OGA: variants seen among roughly 807,000 people sequenced by gnomAD.
OGA encodes protein O-GlcNAcase.
A neutral mutation model predicts 102.0 loss-of-function variants in OGA; 21 were observed. The ratio of observed to expected loss-of-function variants is 0.21; its 90% CI spans 0.15 to 0.30. OGA has a LOEUF of 0.30. Ranked by LOEUF, OGA falls within the 10% of genes least tolerant of loss-of-function variation. The probability of loss-of-function intolerance (pLI) is 1.00; values close to 1 mark genes in which losing one functional copy is unlikely to be tolerated. For synonymous variants in OGA, 408 were observed against 378.2 expected (o/e 1.08, Z -0.91); for missense variants, 765 against 1,107.8 (o/e 0.69, Z 4.39).
intron 14 of OGA, chr10:101,787,759 G>GCTCTCT (rs139475608): frequency 2.7e-5 from 10 of 373,752 alleles, no homozygotes; most frequent in African/African-American, 1.4e-4. Context: ...GCGTGCACGC[G>GCTCTCT]CTCTCTCTCT....
intron 3 of OGA, 103 bp from the exon 4 acceptor site, chr10:101,810,417 G>A (rs2065538501): frequency 9.2e-7 from 1 of 1,084,626 alleles, no homozygotes; most frequent in Non-Finnish European, 1.3e-6. Context: ...TTACAAGAAA[G>A]GAAAAGATCC....
intron 10 of OGA, chr10:101,797,552 A>G (rs2065331538): frequency 4.4e-6 from 1 of 226,432 alleles, no homozygotes; most frequent in African/African-American, 2.3e-5. Flanking sequence ...TCCTCTTGCC[A>G]GGCCCTTTAG....
At chr10:101,786,892 C>T (rs1338700044) in intron 15 of OGA, among the ~76,000 whole-genome samples, 2 of 152,200 alleles carry the variant, frequency 1.3e-5, no homozygotes, top group East Asian at 1.9e-4. Flanking sequence ...CTCAGCCTCC[C>T]GAGTAGCTGG....
rs778247719 is a variant in OGA, at chr10:101,813,560, A to G, written c.246T>C (p.Phe82=). 9 of 1,544,988 alleles carry G rather than the reference A, an allele frequency of 5.8e-6. No individual in the cohort carries two copies. In the Middle Eastern group the frequency reaches 5.1e-4, roughly 88 times the overall value. Residue 82 remains phenylalanine (F), a synonymous_variant, in exon 2 of 16, where the codon TTT becomes TTC. Transcript: ENST00000361464. The part of the protein sequence containing the change: ...PWVMEQRKEL[F]RRLQKWELNT... ...TTCATATAATGAAGATTTACCTTCTAAAGAGTTCTTTTCTCTGTTCCATAA... is the reference window on the plus strand; with the variant it reads ...TTCATATAATGAAGATTTACCTTCTGAAGAGTTCTTTTCTCTGTTCCATAA...
intron 6 of OGA, 97 bp from the exon 7 acceptor site, chr10:101,804,116 G>A (rs1330897803): frequency 1.7e-6 from 2 of 1,143,344 alleles, no homozygotes; most frequent in Non-Finnish European, 2.5e-6. Context: ...AGGCAGAGGT[G>A]GGCAGATCAT....
At chr10:101,796,428 A>G (rs559996030) in intron 10 of OGA, among the ~76,000 whole-genome samples, 1 of 151,834 alleles carries the variant, frequency 6.6e-6, no homozygotes, top group Non-Finnish European at 1.5e-5. Context: ...CGCCCAGCTA[A>G]TTTTTGTATT....
intron 3 of OGA, among the ~76,000 whole-genome samples, chr10:101,812,519 G>C (rs2065572032): frequency 2.0e-5 from 3 of 152,190 alleles, no homozygotes; most frequent in African/African-American, 7.2e-5. Context: ...AGCCATACTA[G>C]AGCCTGAAGC....
chr10:101,786,717 A>G, intron 15 of OGA, 130 bp from the exon 16 acceptor site: 1 of 765,624 alleles, frequency 1.3e-6, no homozygotes, highest in East Asian at 3.2e-5. Context: ...CCTACATTTC[A>G]CACAATTAAA....
At chr10:101,801,373 C>T (rs2065389443) in intron 7 of OGA, among the ~76,000 whole-genome samples, 2 of 133,794 alleles carry the variant, frequency 1.5e-5, no homozygotes, top group Non-Finnish European at 3.1e-5. Flanking sequence ...GCCTGAGCAA[C>T]AAGAGCAAGA....
intron 11 of OGA, among the ~76,000 whole-genome samples, chr10:101,793,240 AT>A (rs966865516): frequency 2.0e-5 from 3 of 151,718 alleles, no homozygotes; most frequent in Non-Finnish European, 2.9e-5. Flanking sequence ...TGACAAATCT[AT>A]TTTTTTTTAA....
rs552024944 is a variant in OGA, at chr10:101,798,696, G to C, written c.1809+146C>G. 8.8e-5 allele frequency: 93 copies of C among 1,051,122 alleles called. No homozygotes were observed. The African/African-American group carries it at 1.4e-3, about 16-fold the overall frequency. The allele number at this position is 1,051,122 out of a possible 1,614,324, so 65.1% of individuals were successfully genotyped here. A position where few individuals can be genotyped will look rare whatever the true frequency, so the allele number is the denominator to read the frequency against. ...CCCAAAGTTCTGGGACTACAGGCAT[G>C]AGCCATCATAACCGGCCTAAAGAAC... On this transcript the variant is annotated intron_variant, in intron 9 of 15. Coordinates refer to ENST00000361464, the MANE Select transcript of OGA (RefSeq NM_012215.5).
intron 10 of OGA, chr10:101,795,979 G>C: frequency 2.4e-5 from 19 of 800,482 alleles, no homozygotes; most frequent in Non-Finnish European, 2.9e-5. Context: ...ACCCTGAGAA[G>C]AGAAAGAAAC....
Position 101,787,635 on chromosome 10 carries a change from T to C in OGA, c.2455-112A>G, listed in dbSNP as rs564844236. 224 of 847,110 alleles carry C rather than the reference T, an allele frequency of 2.6e-4. No homozygotes were observed. The African/African-American group carries it at 3.1e-3, about 12-fold the overall frequency. 52.5% of individuals were successfully genotyped at this position (847,110 alleles called of 1,614,324 possible). A position where few individuals can be genotyped will look rare whatever the true frequency, so the allele number is the denominator to read the frequency against. On this transcript the variant is annotated intron_variant, in intron 14 of 15. Coordinates refer to ENST00000361464, the MANE Select transcript of OGA (RefSeq NM_012215.5). The stretch of plus-strand genomic sequence containing the variant: ...TATTTAATAACTCTTCCAGTCACTA[T>C]GTAAATTATCTCACACAGGATTATC...
In OGA at chr10:101,803,861, T is replaced by C; in HGVS notation, c.910A>G (p.Ile304Val). 1 of 1,614,226 alleles carries C rather than the reference T, an allele frequency of 6.2e-7. No homozygotes were observed. The highest frequency in any genetic ancestry group is 8.5e-7 in the Non-Finnish European group (1 of 1,180,022). ...GTGAGGACTCCTTTTAACCGTGGGA[T>C]GAGTTCTGTGGATCTTCCTTTGTAC... is the stretch of plus-strand genomic sequence containing the variant. ...GPYKGRSTEL[I>V]PRLKGVLTNP... Residue 304 changes from isoleucine to valine, a missense_variant, in exon 7 of 16, where the codon ATC becomes GTC. This residue lies in a region of OGA where 13 missense variants were observed against 56.5 expected (regional missense o/e 0.23). Transcript: ENST00000361464.
chr10:101,818,079 G>T lies in OGA; in HGVS notation c.-57C>A. The T allele has an allele frequency of 6.8e-7, 1 of 1,479,426 alleles. No homozygotes were observed. The allele number at this position is 1,479,426 out of a possible 1,614,324, so 91.6% of individuals were successfully genotyped here. On this transcript the variant is annotated 5_prime_UTR_variant, in exon 1 of 16. Transcript: ENST00000361464. ...GGTCCTCCTCGACCTCTGTCCGTTG[G>T]GGCACCGGCCCGGAGCCCTGGAGAG...
chr10:101,796,003 A>G, intron 10 of OGA: 1 of 558,134 alleles, frequency 1.8e-6, no homozygotes, highest in Non-Finnish European at 2.3e-6. Context: ...ACTGTGTATC[A>G]TTAAGAATTT....
chr10:101,800,789 T>C (rs1180116442), intron 7 of OGA, among the ~76,000 whole-genome samples: 1 of 149,722 alleles, frequency 6.7e-6, no homozygotes, highest in Non-Finnish European at 1.5e-5. Flanking sequence ...TTTTTTTTTT[T>C]TTTGAGATGG....
At chr10:101,803,448 TAA>T (rs575226082) in intron 7 of OGA, among the ~76,000 whole-genome samples, 2 of 74,304 alleles carry the variant, frequency 2.7e-5, no homozygotes, top group Non-Finnish European at 5.5e-5. Context: ...TGAATCATAC[TAA>T]AAAAAAAAAA....
chr10:101,798,055 G>C lies in OGA; in HGVS notation c.1909C>G (p.Leu637Val). The C allele has an allele frequency of 6.2e-7, 1 of 1,613,696 alleles. No individual in the cohort carries two copies. The highest frequency in any genetic ancestry group is 1.1e-5 in the South Asian group (1 of 91,064). ...RLSNCANRTI[L>V]YDMYSYVWDI... ...CAAACATAGGAGTACATGTCATAAAGAATTGTCCTGTTGGCACAATTGGAG... is the reference window on the plus strand; with the variant it reads ...CAAACATAGGAGTACATGTCATAAACAATTGTCCTGTTGGCACAATTGGAG... The change falls in exon 10 of 16, where the codon CTT (leucine) becomes GTT (valine). Residue 637 changes from leucine to valine, a missense_variant. Physicochemically the swap from Leu to Val is conservative, Grantham distance 32. Transcript: ENST00000361464.
Sources: gnomAD v4.1 joint callset for allele counts (sites outside exome capture counted in the v4.1 genomes callset) on GRCh38, gnomAD v4.1.1 for gene constraint, gnomAD v4.1.1 regional missense constraint, MANE v1.5 for transcripts, NCBI Gene and HGNC (gene_info 2026-07-23, HGNC 2026-07-21) for gene names.